FTCDNL1: variants seen among roughly 807,000 people sequenced by gnomAD.
FTCDNL1 encodes formiminotransferase cyclodeaminase N-terminal like, also known as formiminotransferase N-terminal subdomain-containing protein.
Under a neutral mutation model 5.9 loss-of-function variants are expected in FTCDNL1, and 11 were observed. That is an observed-to-expected ratio of 1.87 (90% CI 1.18 to 3.10). The LOEUF is 3.10. FTCDNL1 is among the 30% of genes most tolerant of loss of function. The pLI, the probability that FTCDNL1 is intolerant of heterozygous loss-of-function variation, is 0.00. For missense variants in FTCDNL1, 115 were observed against 65.5 expected (o/e 1.76, Z -2.61); for synonymous variants, 58 against 24.8 (o/e 2.34, Z -3.99).
chr2:199,773,513 C>T (rs1277559136), intron 3 of FTCDNL1, among the ~76,000 whole-genome samples: 2 of 152,138 alleles, frequency 1.3e-5, no homozygotes, highest in Non-Finnish European at 2.9e-5. Flanking sequence ...GAGTCATTGT[C>T]ATATATATTT....
At chr2:199,801,079 G>GA (rs1466917419) in intron 3 of FTCDNL1, among the ~76,000 whole-genome samples, 3 of 152,092 alleles carry the variant, frequency 2.0e-5, no homozygotes, top group Non-Finnish European at 4.4e-5. Context: ...ACATACTTCT[G>GA]ATGCTGGGCA....
rs1474833937 is a variant in FTCDNL1, at chr2:199,810,282, T to C, written c.*2423A>G. Among the ~76,000 whole-genome samples, 3 of 152,142 alleles carry C rather than the reference T, an allele frequency of 2.0e-5. No homozygotes were observed. Among genetic ancestry groups the C allele is most frequent in the Non-Finnish European group, 4.4e-5 (3 of 68,018 alleles). ...TCCTGTCATTATTGAATTAGGTTAA[T>C]ATCAGATTAAAATGAATCTCAAAAC... On this transcript the variant is annotated 3_prime_UTR_variant, in exon 5 of 5. Coordinates refer to ENST00000420128, the MANE Select transcript of FTCDNL1 (RefSeq NM_001363886.2).
At position 199,820,417 on chromosome 2, in the gene FTCDNL1, A is replaced by T. The variant is rs116717355; in HGVS notation, c.212-660T>A. ...CCAGGAGTTTGAGAACAGCCTGGGC[A>T]ACATAGTTAGACTCCTATCTCTACA... On this transcript the variant is annotated intron_variant, in intron 3 of 4. Coordinates refer to ENST00000420128, the MANE Select transcript of FTCDNL1 (RefSeq NM_001363886.2). Among the ~76,000 whole-genome samples, 572 of 152,336 alleles carry T rather than the reference A, an allele frequency of 3.8e-3. 4 individuals are homozygous for T. Among genetic ancestry groups the T allele is most frequent in the African/African-American group, 0.013 (543 of 41,576 alleles).
chr2:199,798,531 G>T (rs142366295), intron 3 of FTCDNL1, among the ~76,000 whole-genome samples: 412 of 152,296 alleles, frequency 2.7e-3, no homozygotes, highest in African/African-American at 9.2e-3. Context: ...TGGGACACAT[G>T]AGGATGAGCT....
the FTCDNL1 span, among the ~76,000 whole-genome samples, chr2:199,675,121 T>G: frequency 6.6e-6 from 1 of 152,216 alleles, no homozygotes; most frequent in African/African-American, 2.4e-5. Context: ...GCTTTCTCAA[T>G]GTCATCAGAA....
At chr2:199,788,418 C>T (rs963391548) in intron 3 of FTCDNL1, among the ~76,000 whole-genome samples, 1 of 151,986 alleles carries the variant, frequency 6.6e-6, no homozygotes, top group Admixed American at 6.6e-5. Flanking sequence ...ATAAAAGGGT[C>T]GCCAAAATGA....
At chr2:199,808,701 T>C (rs192391043), downstream of FTCDNL1, among the ~76,000 whole-genome samples, 389 of 152,290 alleles carry the variant, frequency 2.6e-3, no homozygotes, top group African/African-American at 8.7e-3. Context: ...TTTTATCCCC[T>C]CTCATCTGTT....
chr2:199,679,180 ATAT>A, the FTCDNL1 span, among the ~76,000 whole-genome samples: 2 of 152,080 alleles, frequency 1.3e-5, no homozygotes, highest in Non-Finnish European at 2.9e-5. Context: ...TTAATATTGA[ATAT>A]TTTTATATGA....
At chr2:199,741,279 A>G in the FTCDNL1 span, among the ~76,000 whole-genome samples, 4 of 152,120 alleles carry the variant, frequency 2.6e-5, no homozygotes, top group Non-Finnish European at 5.9e-5. Context: ...CTGTCTCTCA[A>G]ATAAAACAAA....
chr2:199,824,134 G>C (rs1231478970), intron 3 of FTCDNL1, among the ~76,000 whole-genome samples: 1 of 152,156 alleles, frequency 6.6e-6, no homozygotes, highest in Non-Finnish European at 1.5e-5. Flanking sequence ...CTTGCTCTTA[G>C]CTAGAGATGC....
chr2:199,703,650 A>C, the FTCDNL1 span, among the ~76,000 whole-genome samples: 9 of 152,150 alleles, frequency 5.9e-5, no homozygotes, highest in Admixed American at 4.6e-4. Context: ...AAAATTGCCT[A>C]CAGGGTACTA....
At chr2:199,721,069 C>T in the FTCDNL1 span, among the ~76,000 whole-genome samples, 1 of 152,138 alleles carries the variant, frequency 6.6e-6, no homozygotes. Flanking sequence ...TGAATAAATA[C>T]AGTTCATAAA....
chr2:199,734,729 T>C, the FTCDNL1 span, among the ~76,000 whole-genome samples: 1 of 152,184 alleles, frequency 6.6e-6, no homozygotes, highest in Non-Finnish European at 1.5e-5. Flanking sequence ...CAGATTTTGC[T>C]TATACTCAGA....
the FTCDNL1 span, among the ~76,000 whole-genome samples, chr2:199,664,730 G>A: frequency 2.0e-3 from 310 of 152,160 alleles, 1 homozygote; most frequent in African/African-American, 7.1e-3. Context: ...AATTAATGGC[G>A]GAGCCAAGGC....
chr2:199,737,550 T>C, the FTCDNL1 span, among the ~76,000 whole-genome samples: 1 of 152,232 alleles, frequency 6.6e-6, no homozygotes, highest in East Asian at 1.9e-4. Flanking sequence ...AAAACTTTCA[T>C]AGTGGTGCTA....
In FTCDNL1 at chr2:199,812,571, A is replaced by G; in HGVS notation, c.*134T>C. On this transcript the variant is annotated 3_prime_UTR_variant, in exon 5 of 5. Coordinates refer to ENST00000420128, the MANE Select transcript of FTCDNL1 (RefSeq NM_001363886.2). ...TTTTTGCTCTAAAATTAGAAACCTG[A>G]TGTGAAAGTTTGTTTCTCAGTTTGC... 1.1e-5 allele frequency: 5 copies of G among 473,982 alleles called. 1 individual carries two copies. The South Asian group carries it at 2.0e-4, about 19-fold the overall frequency. 29.4% of individuals were successfully genotyped at this position (473,982 alleles called of 1,614,324 possible).
chr2:199,771,831 C>T (rs1185142439), intron 3 of FTCDNL1, among the ~76,000 whole-genome samples: 1 of 152,148 alleles, frequency 6.6e-6, no homozygotes, highest in African/African-American at 2.4e-5. Context: ...ATACTACTTC[C>T]CCCCTTATCC....
At chr2:199,844,397 C>T in intron 3 of FTCDNL1, 1 of 607,382 alleles carries the variant, frequency 1.6e-6, no homozygotes, top group Non-Finnish European at 3.0e-6. Context: ...CACCACTCCA[C>T]ACTATTCCAC....
downstream of FTCDNL1, among the ~76,000 whole-genome samples, chr2:199,755,833 A>G (rs981669926): frequency 6.6e-6 from 1 of 152,240 alleles, no homozygotes; most frequent in Non-Finnish European, 1.5e-5. Flanking sequence ...AAGCATTTAA[A>G]GAGATGTAAA....
Sources: gnomAD v4.1 joint callset for allele counts (sites outside exome capture counted in the v4.1 genomes callset) on GRCh38, gnomAD v4.1.1 for gene constraint, MANE v1.5 for transcripts, NCBI Gene and HGNC (gene_info 2026-07-23, HGNC 2026-07-21) for gene names.